GCNT2: variants seen among roughly 807,000 people sequenced by gnomAD.
The protein encoded by GCNT2 is glucosaminyl (N-acetyl) transferase 2 (I blood group).
GCNT2 carries 34 observed loss-of-function variants against 34.2 expected under a neutral mutation model. The ratio of observed to expected loss-of-function variants is 1.00; its 90% confidence interval spans 0.76 to 1.32. The LOEUF (loss-of-function observed/expected upper bound fraction) is 1.32, where lower values mean the gene tolerates loss of function less well. Ranked by LOEUF, GCNT2 falls within the 40% of genes most tolerant of loss-of-function variation. GCNT2 has a pLI of 0.00. For synonymous variants in GCNT2, 212 were observed against 188.0 expected, an observed-to-expected ratio of 1.13 and a Z score of -1.04; for missense variants, 584 against 489.4, an observed-to-expected ratio of 1.19 and a Z score of -1.82.
In GCNT2 at chr6:10,583,446, C is replaced by T. The variant is rs149452728; in HGVS notation, c.926-37905C>T. Among the ~76,000 whole-genome samples the T allele has an allele frequency of 7.2e-5, 11 of 152,254 alleles. No individual in the cohort carries two copies. In the East Asian group the frequency reaches 1.4e-3, roughly 19 times the overall value. The stretch of plus-strand genomic sequence containing the variant: ...CTCTTAACATGCCTCGTGTGGCTGC[C>T]ACAGTTGATCCTTTAGTTGACCAGT... On this transcript the variant is annotated intron_variant, in intron 3 of 4. Coordinates refer to ENST00000495262, the MANE Select transcript of GCNT2 (RefSeq NM_145649.5).
chr6:10,570,804 A>G (rs1275918892), intron 3 of GCNT2, among the ~76,000 whole-genome samples: 2 of 152,186 alleles, frequency 1.3e-5, no homozygotes, highest in Non-Finnish European at 2.9e-5. Flanking sequence ...GCCATGTCCT[A>G]GAGAGGCTGA....
At chr6:10,621,812 C>T (rs1477880886) in intron 4 of GCNT2, among the ~76,000 whole-genome samples, 1 of 152,126 alleles carries the variant, frequency 6.6e-6, no homozygotes, top group Non-Finnish European at 1.5e-5. Context: ...TGGGTTCAGG[C>T]CTCACACCTC....
In GCNT2 at chr6:10,539,180, C is replaced by CTT. The variant is rs71548847; in HGVS notation, c.925+9369_925+9370dup. The stretch of plus-strand genomic sequence containing the variant: ...AGCCTATCTCTACAGCTCACCGTCT[C>CTT]TTTTTTTTTTTTTTTTTTTTTTTTT... On this transcript the variant is annotated intron_variant, in intron 3 of 4. Transcript: ENST00000495262. Among the ~76,000 whole-genome samples the CTT allele has an allele frequency of 7.7e-3, 501 of 65,306 alleles. 95 individuals are homozygous for CTT. Among genetic ancestry groups the CTT allele is most frequent in the African/African-American group, 0.029 (469 of 16,166 alleles). The allele number at this position is 65,306 out of a possible 152,430, so 42.8% of individuals were successfully genotyped here.
At chr6:10,599,160 G>A (rs1432207048) in intron 3 of GCNT2, among the ~76,000 whole-genome samples, 2 of 152,132 alleles carry the variant, frequency 1.3e-5, no homozygotes, top group Non-Finnish European at 2.9e-5. Context: ...CATAGTACCA[G>A]AGCTCATCCT....
At chr6:10,621,209 G>A (rs1406343574) in intron 3 of GCNT2, 142 bp from the exon 4 acceptor site, 2 of 691,092 alleles carry the variant, frequency 2.9e-6, no homozygotes, top group African/African-American at 3.5e-5. Flanking sequence ...AAGATGGGTA[G>A]ATCAGTACAT....
chr6:10,563,756 GAA>G (rs55761102), intron 3 of GCNT2, among the ~76,000 whole-genome samples: 920 of 55,560 alleles, frequency 0.017, no homozygotes, highest in East Asian at 0.024. Context: ...AAAGAAAAAA[GAA>G]AAAAAAAAAA....
chr6:10,610,452 G>A (rs1467564081), intron 3 of GCNT2, among the ~76,000 whole-genome samples: 1 of 152,154 alleles, frequency 6.6e-6, no homozygotes, highest in East Asian at 1.9e-4. Flanking sequence ...GAGATGCATA[G>A]GCAGGCGGCC....
intron 3 of GCNT2, among the ~76,000 whole-genome samples, chr6:10,600,928 C>T (rs1012394021): frequency 1.3e-5 from 2 of 152,052 alleles, no homozygotes; most frequent in Non-Finnish European, 2.9e-5. Flanking sequence ...GTACGTGGGA[C>T]TACAGGCGCA....
intron 3 of GCNT2, among the ~76,000 whole-genome samples, chr6:10,537,338 T>A (rs1761807067): frequency 1.3e-5 from 2 of 152,176 alleles, no homozygotes; most frequent in Admixed American, 1.3e-4. Flanking sequence ...AGACTACAGA[T>A]GCTCTTCGAC....
intron 3 of GCNT2, among the ~76,000 whole-genome samples, chr6:10,581,416 A>G (rs1764063387): frequency 6.6e-6 from 1 of 152,068 alleles, no homozygotes; most frequent in Non-Finnish European, 1.5e-5. Context: ...GATTACAGGC[A>G]TGCACCACCC....
At chr6:10,555,720 A>G (rs1387711946) in intron 3 of GCNT2, 16 of 985,248 alleles carry the variant, frequency 1.6e-5, no homozygotes, top group Non-Finnish European at 1.9e-5. Flanking sequence ...TCCTCCAGTA[A>G]GCTCTTGTTT....
chr6:10,569,235 C>CACACACACACACACACACACACACA (rs1554131675), intron 3 of GCNT2, among the ~76,000 whole-genome samples: 1 of 47,464 alleles, frequency 2.1e-5, no homozygotes, highest in Non-Finnish European at 5.0e-5. Context: ...ACTCCCCCCG[C>CACACACACACACACACACACACACA]CACACACACA....
chr6:10,535,054 C>T (rs1761694812), intron 3 of GCNT2, among the ~76,000 whole-genome samples: 1 of 152,042 alleles, frequency 6.6e-6, no homozygotes, highest in Admixed American at 6.6e-5. Flanking sequence ...TGTGGTGGTG[C>T]ATGCCTGTAA....
At chr6:10,542,731 G>T (rs1286135920) in intron 3 of GCNT2, among the ~76,000 whole-genome samples, 1 of 151,954 alleles carries the variant, frequency 6.6e-6, no homozygotes, top group South Asian at 2.1e-4. Flanking sequence ...GATACACCAC[G>T]TTTATTTTTT....
rs955070677 is a variant in GCNT2 at position 10,529,683 on chromosome 6, A to G, written c.772A>G (p.Met258Val). 7 of 1,613,912 alleles carry G rather than the reference A, an allele frequency of 4.3e-6. No homozygotes were observed. The highest frequency in any genetic ancestry group is 1.7e-5 in the Admixed American group (1 of 59,980). ...ATTAAAAACTCCTCCTCCTCATGAC[A>G]TGGTGATTTACTTTGGCACGGCCTA... The part of the protein sequence containing the change: ...TKLKTPPPHD[M>V]VIYFGTAYVA... The change falls in exon 3 of 5, where the codon ATG (methionine) becomes GTG (valine). Residue 258 changes from methionine (M) to valine (V), a missense_variant. Coordinates refer to ENST00000495262, the MANE Select transcript of GCNT2 (RefSeq NM_145649.5).
chr6:10,560,627 A>T (rs1026165507), intron 3 of GCNT2, among the ~76,000 whole-genome samples: 4 of 152,178 alleles, frequency 2.6e-5, no homozygotes, highest in African/African-American at 9.7e-5. Context: ...AATGATTAGT[A>T]CCTTAGAATT....
chr6:10,600,160 T>C (rs1476961258), intron 3 of GCNT2, among the ~76,000 whole-genome samples: 1 of 152,224 alleles, frequency 6.6e-6, no homozygotes, highest in Non-Finnish European at 1.5e-5. Flanking sequence ...TGAAATGTCA[T>C]AGATATCTGA....
chr6:10,524,485 G>A (rs1362450652), intron 1 of GCNT2, among the ~76,000 whole-genome samples: 1 of 151,990 alleles, frequency 6.6e-6, no homozygotes, highest in African/African-American at 2.4e-5. Context: ...CTCAATCCAG[G>A]GCTCTTTTTA....
chr6:10,531,913 G>A (rs1220035944), intron 3 of GCNT2, among the ~76,000 whole-genome samples: 3 of 129,682 alleles, frequency 2.3e-5, no homozygotes, highest in South Asian at 2.6e-4. Context: ...CCAAGACAAA[G>A]AAAAAGGATA....
Sources: allele counts gnomAD v4.1 joint callset (sites outside exome capture counted in the v4.1 genomes callset), GRCh38; gene constraint gnomAD v4.1.1; transcripts MANE v1.5; gene names NCBI Gene and HGNC (gene_info 2026-07-23, HGNC 2026-07-21).